The following NKAIN2 variants were observed in gnomAD, a reference collection of about 807,000 sequenced individuals.
NKAIN2 encodes sodium/potassium transporting ATPase interacting 2.
In NKAIN2, 14 loss-of-function variants were observed where a neutral mutation model predicts 32.6. The ratio of observed to expected loss-of-function variants is 0.43; its 90% confidence interval spans 0.28 to 0.67. The LOEUF is 0.67. NKAIN2 is among the 30% of genes least tolerant of loss of function. The probability of loss-of-function intolerance (pLI) is 0.17; values close to 1 mark genes in which losing one functional copy is unlikely to be tolerated. For missense variants in NKAIN2, 198 were observed against 258.3 expected, an observed-to-expected ratio of 0.77 and a Z score of 1.60; for synonymous variants, 80 against 87.2, an observed-to-expected ratio of 0.92 and a Z score of 0.46.
intron 1 of NKAIN2, among the ~76,000 whole-genome samples, chr6:123,914,253 G>A (rs1775376195): frequency 6.6e-6 from 1 of 151,870 alleles, no homozygotes; most frequent in South Asian, 2.1e-4. Flanking sequence ...GAGAGACAGA[G>A]ACAGAGACAC....
intron 1 of NKAIN2, among the ~76,000 whole-genome samples, chr6:124,108,834 G>T (rs1427064952): frequency 6.6e-6 from 1 of 151,992 alleles, no homozygotes; most frequent in Non-Finnish European, 1.5e-5. Context: ...TCTTGTCAAA[G>T]ATCAGTTGAC....
At chr6:124,731,430 A>G (rs1318367972) in intron 4 of NKAIN2, among the ~76,000 whole-genome samples, 1 of 150,532 alleles carries the variant, frequency 6.6e-6, no homozygotes, top group Non-Finnish European at 1.5e-5. Context: ...GAAATTGGAA[A>G]ACATCATTCT....
chr6:124,628,396 TC>T (rs1419961564), intron 3 of NKAIN2, among the ~76,000 whole-genome samples: 1 of 152,128 alleles, frequency 6.6e-6, no homozygotes, highest in Non-Finnish European at 1.5e-5. Context: ...AGTTATTTCA[TC>T]CCCCACAATG....
chr6:124,435,344 T>C (rs753818315), intron 3 of NKAIN2, among the ~76,000 whole-genome samples: 13 of 152,136 alleles, frequency 8.5e-5, no homozygotes, highest in Non-Finnish European at 1.5e-4. Context: ...GGAAGTCAGA[T>C]ACACTCATAA....
chr6:123,809,768 A>G (rs926154797), intron 1 of NKAIN2, among the ~76,000 whole-genome samples: 2 of 152,138 alleles, frequency 1.3e-5, no homozygotes, highest in Non-Finnish European at 2.9e-5. Flanking sequence ...TTATAGGAAT[A>G]TTCTAAGATT....
At chr6:124,070,843 A>T (rs1386676375) in intron 1 of NKAIN2, among the ~76,000 whole-genome samples, 1 of 152,116 alleles carries the variant, frequency 6.6e-6, no homozygotes, top group African/African-American at 2.4e-5. Context: ...GCATCACATT[A>T]CCCCACTTCA....
At chr6:124,479,139 T>C (rs1777347619) in intron 3 of NKAIN2, among the ~76,000 whole-genome samples, 1 of 152,096 alleles carries the variant, frequency 6.6e-6, no homozygotes, top group Non-Finnish European at 1.5e-5. Context: ...TCTGAGAAAT[T>C]ATCATAGTTT....
At chr6:124,672,662 G>A (rs1443464810) in intron 4 of NKAIN2, among the ~76,000 whole-genome samples, 1 of 151,950 alleles carries the variant, frequency 6.6e-6, no homozygotes, top group African/African-American at 2.4e-5. Context: ...AAAGTAGTAA[G>A]CCTTTGACAA....
chr6:124,282,570 A>G (rs559833373), intron 1 of NKAIN2, among the ~76,000 whole-genome samples: 3 of 152,278 alleles, frequency 2.0e-5, no homozygotes, highest in South Asian at 2.1e-4. Flanking sequence ...AACTCTTGCT[A>G]AAGATTTCTT....
chr6:124,745,245 A>T (rs1286309876), intron 4 of NKAIN2, among the ~76,000 whole-genome samples: 1 of 151,898 alleles, frequency 6.6e-6, no homozygotes, highest in Non-Finnish European at 1.5e-5. Context: ...AACATATTTG[A>T]AGTTAAAGAA....
intron 1 of NKAIN2, among the ~76,000 whole-genome samples, chr6:124,125,467 G>T (rs2114996059): frequency 6.6e-6 from 1 of 152,204 alleles, no homozygotes; most frequent in South Asian, 2.1e-4. Context: ...AAGTCAAAAT[G>T]ACTAATGGGA....
At chr6:124,300,193 G>A (rs1405866427) in intron 2 of NKAIN2, among the ~76,000 whole-genome samples, 1 of 152,188 alleles carries the variant, frequency 6.6e-6, no homozygotes, top group Non-Finnish European at 1.5e-5. Context: ...GCCAGGTGGA[G>A]ATAATTGAAT....
chr6:124,089,727 A>G (rs779095452), intron 1 of NKAIN2, among the ~76,000 whole-genome samples: 2 of 152,034 alleles, frequency 1.3e-5, no homozygotes, highest in Non-Finnish European at 2.9e-5. Context: ...CACAATTAGC[A>G]TATTCCATGA....
chr6:124,528,279 C>T (rs145717265), intron 3 of NKAIN2, among the ~76,000 whole-genome samples: 201 of 152,316 alleles, frequency 1.3e-3, no homozygotes, highest in Middle Eastern at 3.4e-3. Context: ...CCTTGGAAAA[C>T]ATTATGTTCT....
chr6:124,608,260 A>T (rs969009678), intron 3 of NKAIN2, among the ~76,000 whole-genome samples: 4 of 152,094 alleles, frequency 2.6e-5, no homozygotes, highest in Admixed American at 2.0e-4. Flanking sequence ...TTTTAGGGTA[A>T]AGAATACTTT....
chr6:124,233,228 A>G (rs563196840), intron 1 of NKAIN2, among the ~76,000 whole-genome samples: 28 of 149,732 alleles, frequency 1.9e-4, no homozygotes, highest in African/African-American at 7.0e-4. Context: ...CTTTTAGAGA[A>G]AAAAAAAAAC....
intron 4 of NKAIN2, among the ~76,000 whole-genome samples, chr6:124,731,816 C>G (rs1185469541): frequency 1.3e-5 from 2 of 152,060 alleles, no homozygotes; most frequent in Admixed American, 6.6e-5. Flanking sequence ...AAGAAGCTAT[C>G]TGGAACTATT....
chr6:123,875,201 T>C (rs1218969861), intron 1 of NKAIN2, among the ~76,000 whole-genome samples: 2 of 151,958 alleles, frequency 1.3e-5, no homozygotes, highest in African/African-American at 4.8e-5. Context: ...TCTAAACACT[T>C]TTTTTTACAG....
At chr6:124,007,316 C>T (rs1057105266) in intron 1 of NKAIN2, among the ~76,000 whole-genome samples, 6 of 152,126 alleles carry the variant, frequency 3.9e-5, no homozygotes, top group African/African-American at 1.4e-4. Flanking sequence ...TTAGATTCTT[C>T]TGATACATTT....
Sources: gnomAD v4.1 joint callset for allele counts (sites outside exome capture counted in the v4.1 genomes callset) on GRCh38, gnomAD v4.1.1 for gene constraint, MANE v1.5 for transcripts, NCBI Gene and HGNC (gene_info 2026-07-23, HGNC 2026-07-21) for gene names.